The following MITF variants were observed in gnomAD, a reference collection of about 807,000 sequenced individuals.
The protein encoded by MITF is melanocyte inducing transcription factor, also known as microphthalmia-associated transcription factor.
In MITF, 17 loss-of-function variants were observed where a neutral mutation model predicts 60.5. The ratio of observed to expected loss-of-function variants is 0.28; its 90% CI spans 0.19 to 0.42. MITF has a LOEUF of 0.42. Ranked by LOEUF, MITF falls within the 10% of genes least tolerant of loss-of-function variation. MITF has a pLI of 1.00. For synonymous variants in MITF, 260 were observed against 248.5 expected, an observed-to-expected ratio of 1.05 and a Z score of -0.43; for missense variants, 622 against 683.5, an observed-to-expected ratio of 0.91 and a Z score of 1.00.
intron 2 of MITF, among the ~76,000 whole-genome samples, chr3:69,914,319 AC>A (rs2065287041): frequency 6.6e-6 from 1 of 152,118 alleles, no homozygotes; most frequent in Non-Finnish European, 1.5e-5. Flanking sequence ...ACAGGGTTTC[AC>A]CATGTTGGCC....
At chr3:69,898,853 A>C (rs941697812) in intron 2 of MITF, among the ~76,000 whole-genome samples, 2 of 152,210 alleles carry the variant, frequency 1.3e-5, no homozygotes, top group African/African-American at 4.8e-5. Flanking sequence ...AATGGAAACA[A>C]GCATTTATTC....
At chr3:69,938,395 GA>G (rs2107481442) in intron 3 of MITF, 1 of 1,558,718 alleles carries the variant, frequency 6.4e-7, no homozygotes, top group Non-Finnish European at 8.7e-7. Flanking sequence ...AGGGGAGGTG[GA>G]AAAGGAAAAG....
intron 2 of MITF, among the ~76,000 whole-genome samples, chr3:69,880,251 T>C (rs2064455542): frequency 6.6e-6 from 1 of 152,176 alleles, no homozygotes; most frequent in South Asian, 2.1e-4. Context: ...TTATTGGTTT[T>C]TGCATTCATC....
At chr3:69,941,621 C>T (rs545864155) in intron 5 of MITF, among the ~76,000 whole-genome samples, 44 of 152,250 alleles carry the variant, frequency 2.9e-4, no homozygotes, top group African/African-American at 1.0e-3. Flanking sequence ...ATGCCCAACC[C>T]AGTACACTGC....
chr3:69,966,197 C>T lies in MITF; in HGVS notation c.*949C>T, dbSNP rs1576073888. 1 of 232,086 alleles carries T rather than the reference C, an allele frequency of 4.3e-6. No homozygotes were observed. Among genetic ancestry groups the T allele is most frequent in the East Asian group, 6.1e-5 (1 of 16,326 alleles). The allele number at this position is 232,086 out of a possible 1,614,324, so 14.4% of individuals were successfully genotyped here. The stretch of plus-strand genomic sequence containing the variant: ...GTACAGATTCTTTATTATCATTGTT[C>T]TTTTCAATATATTTGTATTAATTTG... On this transcript the variant is annotated 3_prime_UTR_variant, in exon 10 of 10. Coordinates refer to ENST00000352241, the MANE Select transcript of MITF (RefSeq NM_001354604.2).
At chr3:69,933,488 A>G (rs1430332503) in intron 2 of MITF, among the ~76,000 whole-genome samples, 1 of 152,200 alleles carries the variant, frequency 6.6e-6, no homozygotes, top group Non-Finnish European at 1.5e-5. Flanking sequence ...GAGGTGATCC[A>G]TTCCGATTCT....
intron 2 of MITF, among the ~76,000 whole-genome samples, chr3:69,924,411 A>G (rs967486004): frequency 1.2e-4 from 18 of 152,224 alleles, no homozygotes; most frequent in African/African-American, 4.1e-4. Flanking sequence ...CTTGCTTAGT[A>G]AACATGCTAC....
chr3:69,937,927 C>A lies in MITF; in HGVS notation c.460C>A (p.Gln154Lys), dbSNP rs2107479150. 6.2e-7 allele frequency: 1 copy of A among 1,614,194 alleles called. No individual in the cohort carries two copies. Among genetic ancestry groups the A allele is most frequent in the South Asian group, 1.1e-5 (1 of 91,086 alleles). ...STTLANKHAN[Q>K]VLSLPCPNQP... Reference sequence around the variant, plus strand: ...CACTTTAGCAAATAAACATGCCAACCAAGTCCTGAGCTTGCCATGTCCAAA... The same window carrying A: ...CACTTTAGCAAATAAACATGCCAACAAAGTCCTGAGCTTGCCATGTCCAAA... Residue 154 changes from glutamine (Q) to lysine (K), a missense_variant, in exon 3 of 10, where the codon CAA (glutamine) becomes AAA (lysine). Gln to Lys is a moderately conservative substitution (Grantham distance 53, BLOSUM62 1). Coordinates refer to ENST00000352241, the MANE Select transcript of MITF (RefSeq NM_001354604.2).
At chr3:69,939,745 G>A (rs2065927628) in intron 4 of MITF, among the ~76,000 whole-genome samples, 1 of 152,026 alleles carries the variant, frequency 6.6e-6, no homozygotes, top group Non-Finnish European at 1.5e-5. Flanking sequence ...AAAATTTGTT[G>A]CCTTTCTATG....
chr3:69,839,721 T>C (rs1213166519), intron 1 of MITF, among the ~76,000 whole-genome samples: 1 of 151,708 alleles, frequency 6.6e-6, no homozygotes, highest in East Asian at 1.9e-4. Context: ...CATTCATTAA[T>C]GTTCAGTACC....
chr3:69,822,312 C>T (rs1245439586), intron 1 of MITF, among the ~76,000 whole-genome samples: 1 of 152,152 alleles, frequency 6.6e-6, no homozygotes, highest in Non-Finnish European at 1.5e-5. Flanking sequence ...GCTATCTGGC[C>T]CTTTACCTAC....
At chr3:69,876,823 C>G (rs918899544) in intron 1 of MITF, among the ~76,000 whole-genome samples, 1 of 152,136 alleles carries the variant, frequency 6.6e-6, no homozygotes, top group Non-Finnish European at 1.5e-5. Context: ...TTTCTTCTAG[C>G]CAAATGGTGA....
chr3:69,825,400 G>A (rs1219964975), intron 1 of MITF, among the ~76,000 whole-genome samples: 1 of 152,170 alleles, frequency 6.6e-6, no homozygotes, highest in African/African-American at 2.4e-5. Context: ...TGATACTAGA[G>A]TGAAAAAAAT....
chr3:69,881,584 A>T (rs2064488957), intron 2 of MITF, among the ~76,000 whole-genome samples: 1 of 152,008 alleles, frequency 6.6e-6, no homozygotes, highest in Non-Finnish European at 1.5e-5. Context: ...GCTTATTTTC[A>T]AAATTTTGTG....
At chr3:69,897,344 A>T (rs957096420) in intron 2 of MITF, among the ~76,000 whole-genome samples, 1 of 152,160 alleles carries the variant, frequency 6.6e-6, no homozygotes, top group Non-Finnish European at 1.5e-5. Context: ...GGTTAAAGAA[A>T]ATTAAGGAGT....
chr3:69,899,329 G>T (rs556023689), intron 2 of MITF, among the ~76,000 whole-genome samples: 8 of 152,334 alleles, frequency 5.3e-5, no homozygotes, highest in South Asian at 2.1e-4. Flanking sequence ...AGGCTAAAAG[G>T]TGGGCAGGGG....
At chr3:69,913,116 T>A (rs929392295) in intron 2 of MITF, among the ~76,000 whole-genome samples, 1 of 152,120 alleles carries the variant, frequency 6.6e-6, no homozygotes, top group African/African-American at 2.4e-5. Flanking sequence ...ACCAGATGTT[T>A]GTTTTGAATG....
intron 1 of MITF, among the ~76,000 whole-genome samples, chr3:69,860,624 T>TAAAA: frequency 6.7e-6 from 1 of 149,638 alleles, no homozygotes; most frequent in African/African-American, 2.4e-5. Flanking sequence ...AAAAAAAAAT[T>TAAAA]CACTTTAGAC....
chr3:69,894,280 T>C (rs1052146228), intron 2 of MITF, among the ~76,000 whole-genome samples: 1 of 152,344 alleles, frequency 6.6e-6, no homozygotes. Context: ...GTGTTTTCAT[T>C]GCTAATCAAG....
Sources: gnomAD v4.1 joint callset for allele counts (sites outside exome capture counted in the v4.1 genomes callset) on GRCh38, gnomAD v4.1.1 for gene constraint, MANE v1.5 for transcripts, NCBI Gene and HGNC (gene_info 2026-07-23, HGNC 2026-07-21) for gene names.